The following HBP1 variants were observed in gnomAD, a reference collection of about 807,000 sequenced individuals.
The protein encoded by HBP1 is HMG-box transcription factor 1, also known as HMG box-containing protein 1.
Under a neutral mutation model 62.6 loss-of-function variants are expected in HBP1, and 20 were observed. The ratio of observed to expected loss-of-function variants is 0.32; its 90% CI spans 0.22 to 0.46. The LOEUF is 0.46. HBP1 is among the 20% of genes least tolerant of loss of function. The pLI is 1.00. For synonymous variants in HBP1, 232 were observed against 206.2 expected, an observed-to-expected ratio of 1.12 and a Z score of -1.07; for missense variants, 480 against 611.8, an observed-to-expected ratio of 0.78 and a Z score of 2.27.
chr7:107,181,219 A>G (rs868666393), intron 2 of HBP1, among the ~76,000 whole-genome samples: 16 of 152,144 alleles, frequency 1.1e-4, no homozygotes, highest in South Asian at 2.1e-4. Context: ...ATGATGGTTC[A>G]CGCTAGTAAT....
At chr7:107,199,804 G>A (rs1431299742) in intron 9 of HBP1, among the ~76,000 whole-genome samples, 1 of 152,154 alleles carries the variant, frequency 6.6e-6, no homozygotes. Flanking sequence ...CTGTCTAAAG[G>A]TTTATTTGGT....
chr7:107,176,575 A>AGCC (rs1320598796), intron 1 of HBP1, among the ~76,000 whole-genome samples: 1 of 152,144 alleles, frequency 6.6e-6, no homozygotes, highest in African/African-American at 2.4e-5. Flanking sequence ...TAGTGCACAA[A>AGCC]GCCATACCCC....
chr7:107,189,253 A>T (rs1797533502), intron 6 of HBP1, 39 bp from the exon 7 acceptor site: 3 of 1,553,948 alleles, frequency 1.9e-6, no homozygotes, highest in Non-Finnish European at 2.7e-6. Context: ...TTTTGAATTG[A>T]ACATTTCCAA....
chr7:107,177,694 T>G (rs143899645), intron 1 of HBP1, among the ~76,000 whole-genome samples: 1 of 152,192 alleles, frequency 6.6e-6, no homozygotes, highest in Non-Finnish European at 1.5e-5. Flanking sequence ...TATGAACTTA[T>G]ATTAGGCCAA....
At chr7:107,187,360 A>G (rs771942988) in intron 6 of HBP1, among the ~76,000 whole-genome samples, 3 of 152,248 alleles carry the variant, frequency 2.0e-5, no homozygotes, top group Non-Finnish European at 4.4e-5. Flanking sequence ...AAAGCCAATT[A>G]TATTAAGTTA....
At chr7:107,186,166 C>CTTTTTTTTTTTTTTTTTTTTTTTTT in intron 4 of HBP1, among the ~76,000 whole-genome samples, 195 bp from the exon 5 acceptor site, 1 of 116,138 alleles carries the variant, frequency 8.6e-6, no homozygotes, top group Non-Finnish European at 1.8e-5. Flanking sequence ...CTTTTTTTTT[C>CTTTTTTTTTTTTTTTTTTTTTTTTT]TTTTTTTTTT....
chr7:107,184,603 C>T (rs376095466), intron 3 of HBP1, among the ~76,000 whole-genome samples: 6 of 152,112 alleles, frequency 3.9e-5, no homozygotes, highest in East Asian at 1.9e-4. Flanking sequence ...CTCCGCCTTC[C>T]GGGTTCACGC....
chr7:107,191,405 G>C (rs1286102876), intron 8 of HBP1, among the ~76,000 whole-genome samples: 1 of 152,142 alleles, frequency 6.6e-6, no homozygotes, highest in Non-Finnish European at 1.5e-5. Context: ...GTTTTGGTGA[G>C]ACTGTAACCT....
At chr7:107,173,335 A>T (rs966458241) in intron 1 of HBP1, 1 of 152,238 alleles carries the variant, frequency 6.6e-6, no homozygotes, top group Non-Finnish European at 1.5e-5. Context: ...GAGAGCATAT[A>T]GAAGATCCTG....
rs975322636 is a variant in HBP1, at chr7:107,190,298, GTT to G, written c.1052_1053del (p.Phe351Ter). On this transcript the variant is annotated frameshift_variant, in exon 8 of 11. Coordinates refer to ENST00000222574, the MANE Select transcript of HBP1 (RefSeq NM_012257.4). LOFTEE classifies it high-confidence loss of function. Reference protein sequence around the residue: ...PDAINFDDSGVFDTFKSYDFT... With the variant: ...PDAINFDDSGXFDTFKSYDFT... ...TGCCATTAATTTTGATGATTCAGGT[GTT>G]TTTGATACATTTAAAAGGTAATATT... 6.2e-7 allele frequency: 1 copy of G among 1,608,604 alleles called. No homozygotes were observed. Among genetic ancestry groups the G allele is most frequent in the African/African-American group, 1.3e-5 (1 of 74,644 alleles).
chr7:107,176,089 G>A (rs539828568), intron 1 of HBP1, among the ~76,000 whole-genome samples: 2 of 148,318 alleles, frequency 1.3e-5, no homozygotes, highest in East Asian at 2.0e-4. Flanking sequence ...GCAGTGGTGC[G>A]ATCTCGGCTC....
chr7:107,197,921 T>G (rs993186042), intron 9 of HBP1, among the ~76,000 whole-genome samples: 1 of 152,226 alleles, frequency 6.6e-6, no homozygotes, highest in African/African-American at 2.4e-5. Context: ...ATGACTGGCC[T>G]TAGATTTAGT....
intron 8 of HBP1, chr7:107,192,769 G>A (rs1017629748): frequency 6.6e-6 from 1 of 152,118 alleles, no homozygotes; most frequent in African/African-American, 2.4e-5. Flanking sequence ...TCATTTTACT[G>A]TTGAGTGACT....
chr7:107,195,661 T>C (rs1797862620), intron 8 of HBP1, among the ~76,000 whole-genome samples, 173 bp from the exon 9 acceptor site: 1 of 152,122 alleles, frequency 6.6e-6, no homozygotes, highest in African/African-American at 2.4e-5. Flanking sequence ...ACAGATTTCA[T>C]TTTATAAGCA....
rs1017768063 is a variant in HBP1 at position 107,169,035 on chromosome 7, G to A, written c.-166G>A. 4 of 1,289,076 alleles carry A rather than the reference G, an allele frequency of 3.1e-6. No homozygotes were observed. Among genetic ancestry groups the A allele is most frequent in the Admixed American group, 4.6e-5 (2 of 43,480 alleles). The allele number at this position is 1,289,076 out of a possible 1,614,324, so 79.9% of individuals were successfully genotyped here. A position where few individuals can be genotyped will look rare whatever the true frequency, so the allele number is the denominator to read the frequency against. On this transcript the variant is annotated 5_prime_UTR_variant, in exon 1 of 11. Coordinates refer to ENST00000222574, the MANE Select transcript of HBP1 (RefSeq NM_012257.4). ...GTAATGGCGACGGGTTTGGTAAGTA[G>A]GAAAGTTTCGGTTGAGGAGTAAGAG...
chr7:107,171,882 TCA>T (rs1272947908), intron 1 of HBP1, among the ~76,000 whole-genome samples: 1 of 117,736 alleles, frequency 8.5e-6, no homozygotes, highest in Non-Finnish European at 1.8e-5. Flanking sequence ...AAAAAAAGAG[TCA>T]ATGCCAGGAA....
At chr7:107,197,807 A>AAGTT (rs1797998634) in intron 9 of HBP1, among the ~76,000 whole-genome samples, 3 of 152,336 alleles carry the variant, frequency 2.0e-5, no homozygotes, top group African/African-American at 4.8e-5. Context: ...TTTTTAAAAA[A>AAGTT]AGTTAGTTTG....
At chr7:107,192,342 A>G (rs1797690599) in intron 8 of HBP1, among the ~76,000 whole-genome samples, 1 of 152,076 alleles carries the variant, frequency 6.6e-6, no homozygotes, top group African/African-American at 2.4e-5. Flanking sequence ...TTTTGAAAGG[A>G]TAGCAGTCAT....
chr7:107,190,376 T>TAGGGA, intron 8 of HBP1, 59 bp downstream of exon 8: 2 of 1,135,330 alleles, frequency 1.8e-6, no homozygotes, highest in Non-Finnish European at 2.6e-6. Context: ...TTCATTTCCC[T>TAGGGA]AATGATGGTT....
Sources: gnomAD v4.1 joint callset for allele counts (sites outside exome capture counted in the v4.1 genomes callset) on GRCh38, gnomAD v4.1.1 for gene constraint, MANE v1.5 for transcripts, NCBI Gene and HGNC (gene_info 2026-07-23, HGNC 2026-07-21) for gene names.